ZC3H8: variants seen among roughly 807,000 people sequenced by gnomAD.
ZC3H8 encodes zinc finger CCCH-type containing 8.
In ZC3H8, 27 loss-of-function variants were observed where a neutral mutation model predicts 42.5. The ratio of observed to expected loss-of-function variants is 0.64; its 90% CI spans 0.47 to 0.88. The LOEUF is 0.88. ZC3H8 is among the 40% of genes least tolerant of loss of function. ZC3H8 has a pLI of 0.00. For missense variants in ZC3H8, 277 were observed against 336.1 expected, an observed-to-expected ratio of 0.82 and a Z score of 1.37; for synonymous variants, 101 against 110.1, an observed-to-expected ratio of 0.92 and a Z score of 0.52.
chr2:112,252,630 C>T (rs150661256), intron 1 of ZC3H8, among the ~76,000 whole-genome samples: 7 of 152,240 alleles, frequency 4.6e-5, no homozygotes, highest in Non-Finnish European at 5.9e-5. Context: ...CCCAGTACCT[C>T]GCAGACTTCC....
At chr2:112,238,584 G>A in intron 2 of ZC3H8, 56 bp from the exon 3 acceptor site, 2 of 1,429,844 alleles carry the variant, frequency 1.4e-6, no homozygotes, top group Admixed American at 2.0e-5. Flanking sequence ...AAAACAATCT[G>A]GCTATACAGA....
At chr2:112,232,622 C>A (rs576762354) in intron 6 of ZC3H8, among the ~76,000 whole-genome samples, 7 of 152,290 alleles carry the variant, frequency 4.6e-5, no homozygotes, top group Non-Finnish European at 1.0e-4. Flanking sequence ...TCTTACAAAT[C>A]TGGATCCTTT....
chr2:112,222,905 A>G (rs1684651474), intron 8 of ZC3H8, among the ~76,000 whole-genome samples: 1 of 152,260 alleles, frequency 6.6e-6, no homozygotes, highest in Non-Finnish European at 1.5e-5. Context: ...TTAATTGTAC[A>G]TTTACAAATG....
intron 2 of ZC3H8, among the ~76,000 whole-genome samples, chr2:112,242,450 C>G (rs1055811607): frequency 2.0e-5 from 3 of 152,232 alleles, no homozygotes; most frequent in Admixed American, 6.5e-5. Flanking sequence ...TCATGGCATT[C>G]TCATCACTTC....
Position 112,240,952 on chromosome 2 carries a change from AGTGTGTGT to A in ZC3H8, c.157-2432_157-2425del, listed in dbSNP as rs67273091. ...CCTCCAAAATTAAAGTACAGGTAAC[AGTGTGTGT>A]GTGTGTGTGTGTGTGTGTGTGTGTG... On this transcript the variant is annotated intron_variant, in intron 2 of 8. Transcript: ENST00000409573. 5.9e-3 allele frequency among the ~76,000 whole-genome samples: 846 copies of A among 142,704 alleles called. 11 individuals carry two copies. In the East Asian group the frequency reaches 0.071, roughly 12 times the overall value. The allele number at this position is 142,704 out of a possible 152,430, so 93.6% of individuals were successfully genotyped here.
At chr2:112,253,620 A>C (rs1686030299) in intron 1 of ZC3H8, among the ~76,000 whole-genome samples, 1 of 152,252 alleles carries the variant, frequency 6.6e-6, no homozygotes, top group African/African-American at 2.4e-5. Flanking sequence ...AGCTCACCAT[A>C]CTTCCATACC....
intron 8 of ZC3H8, among the ~76,000 whole-genome samples, chr2:112,227,319 G>A (rs950394289): frequency 2.0e-5 from 3 of 152,272 alleles, no homozygotes; most frequent in Middle Eastern, 3.2e-3. Flanking sequence ...GAGGTCAGGA[G>A]TTTGAGACCA....
intron 8 of ZC3H8, among the ~76,000 whole-genome samples, chr2:112,224,182 G>A (rs551345045): frequency 1.3e-5 from 2 of 152,236 alleles, no homozygotes; most frequent in Admixed American, 1.3e-4. Context: ...AATGATATTT[G>A]AAAACTTCAC....
At chr2:112,237,421 C>A (rs1685384228) in intron 3 of ZC3H8, among the ~76,000 whole-genome samples, 1 of 151,982 alleles carries the variant, frequency 6.6e-6, no homozygotes. Flanking sequence ...TTAAATAGAT[C>A]AAGTTTTTAT....
Position 112,231,920 on chromosome 2 carries a change from G to T in ZC3H8, c.761C>A (p.Thr254Lys). 6.3e-7 allele frequency: 1 copy of T among 1,583,098 alleles called. No individual in the cohort carries two copies. The highest frequency in any genetic ancestry group is 1.2e-5 in the South Asian group (1 of 86,226). ...TTCTCCCTGATAACATTTTGTTCCT[G>T]TATGGTAAAACTTACAAGGATATTC... ...HNEYPCKFYH[T>K]GTKCYQGEYC... The change falls in exon 7 of 9, where the codon ACA becomes AAA. Residue 254 changes from threonine to lysine, a missense_variant. Coordinates refer to ENST00000409573, the MANE Select transcript of ZC3H8 (RefSeq NM_032494.3).
At chr2:112,254,805 C>T (rs1437124217) in intron 1 of ZC3H8, 103 bp downstream of exon 1, 4 of 1,378,932 alleles carry the variant, frequency 2.9e-6, no homozygotes, top group Non-Finnish European at 2.9e-6. Flanking sequence ...GCCCTCGCGA[C>T]GCGGCCCGGA....
intron 8 of ZC3H8, among the ~76,000 whole-genome samples, chr2:112,226,279 G>A (rs1684826241): frequency 6.6e-6 from 1 of 151,340 alleles, no homozygotes; most frequent in African/African-American, 2.4e-5. Context: ...AATTGAATCT[G>A]TTATGTAAAA....
intron 1 of ZC3H8, among the ~76,000 whole-genome samples, chr2:112,252,294 C>A (rs1480928815): frequency 6.6e-6 from 1 of 152,174 alleles, no homozygotes; most frequent in African/African-American, 2.4e-5. Context: ...AACGGCAACA[C>A]CATCCCTCTC....
At chr2:112,241,445 C>CT (rs996391295) in intron 2 of ZC3H8, among the ~76,000 whole-genome samples, 3 of 152,132 alleles carry the variant, frequency 2.0e-5, no homozygotes, top group African/African-American at 7.2e-5. Context: ...AGAGACCCCC[C>CT]CCTCAAGGGC....
At chr2:112,240,681 T>C (rs1192111103) in intron 2 of ZC3H8, among the ~76,000 whole-genome samples, 1 of 152,180 alleles carries the variant, frequency 6.6e-6, no homozygotes, top group African/African-American at 2.4e-5. Flanking sequence ...AATTTTGCTG[T>C]TTTATTATAC....
chr2:112,250,110 TTTC>T, intron 2 of ZC3H8, 78 bp downstream of exon 2: 1 of 1,052,958 alleles, frequency 9.5e-7, no homozygotes, highest in Non-Finnish European at 1.4e-6. Flanking sequence ...CCATCTGTTT[TTTC>T]TTTTTTTGTT....
intron 3 of ZC3H8, among the ~76,000 whole-genome samples, chr2:112,237,640 A>T (rs1456322660): frequency 6.7e-6 from 1 of 150,274 alleles, no homozygotes; most frequent in Admixed American, 6.6e-5. Context: ...GCACTGTGTG[A>T]TCTCGGCTCA....
chr2:112,222,045 T>A (rs1684612404), intron 8 of ZC3H8, among the ~76,000 whole-genome samples: 1 of 152,136 alleles, frequency 6.6e-6, no homozygotes, highest in African/African-American at 2.4e-5. Flanking sequence ...TTTTGCTTTT[T>A]TCTTCTTGAT....
intron 2 of ZC3H8, among the ~76,000 whole-genome samples, chr2:112,247,030 T>C (rs1016496369): frequency 1.1e-4 from 17 of 152,226 alleles, no homozygotes; most frequent in African/African-American, 3.1e-4. Flanking sequence ...TCGCTGACTG[T>C]TAACATTTTT....
Sources: allele counts gnomAD v4.1 joint callset (sites outside exome capture counted in the v4.1 genomes callset), GRCh38; gene constraint gnomAD v4.1.1; transcripts MANE v1.5; gene names NCBI Gene and HGNC (gene_info 2026-07-23, HGNC 2026-07-21).